Variants in ASB15 observed in about 807,000 individuals in gnomAD.
ASB15 encodes the protein ankyrin repeat and SOCS box containing 15, also known as ankyrin repeat and SOCS box protein 15.
Under a neutral mutation model 58.0 loss-of-function variants are expected in ASB15, and 54 were observed. The ratio of observed to expected loss-of-function variants is 0.93; its 90% CI spans 0.75 to 1.17. ASB15 has a LOEUF of 1.17. ASB15 is among the 50% of genes most tolerant of loss of function. The probability of loss-of-function intolerance (pLI) is 0.00; values close to 1 mark genes in which losing one functional copy is unlikely to be tolerated. For missense variants in ASB15, 680 were observed against 707.4 expected, an observed-to-expected ratio of 0.96 and a Z score of 0.44; for synonymous variants, 249 against 262.4, an observed-to-expected ratio of 0.95 and a Z score of 0.50.
intron 1 of ASB15, among the ~76,000 whole-genome samples, chr7:123,583,665 C>T (rs1415398135): frequency 6.6e-6 from 1 of 151,804 alleles, no homozygotes; most frequent in African/African-American, 2.4e-5. Context: ...GGAGAGAAGG[C>T]ACAGGAAAGA....
At chr7:123,615,092 TGA>T (rs1294998102) in intron 4 of ASB15, among the ~76,000 whole-genome samples, 1 of 152,176 alleles carries the variant, frequency 6.6e-6, no homozygotes, top group Non-Finnish European at 1.5e-5. Flanking sequence ...AGTTAATGAA[TGA>T]GAGAAGCGTT....
chr7:123,593,351 A>G (rs183650168), intron 1 of ASB15, among the ~76,000 whole-genome samples: 82 of 152,188 alleles, frequency 5.4e-4, no homozygotes, highest in Non-Finnish European at 7.9e-4. Context: ...TAATTGATGC[A>G]GTTTCTTCAC....
chr7:123,621,613 G>C (rs892052820), intron 7 of ASB15: 2 of 152,060 alleles, frequency 1.3e-5, no homozygotes, highest in Non-Finnish European at 2.9e-5. Flanking sequence ...TACCCTAATG[G>C]CATCATCCTT....
At chr7:123,624,986 A>G (rs1049963611) in intron 8 of ASB15, 172 bp downstream of exon 8, 2 of 727,738 alleles carry the variant, frequency 2.7e-6, no homozygotes, top group Non-Finnish European at 4.4e-6. Flanking sequence ...CCCTTATTCT[A>G]CAACTCAGCT....
chr7:123,604,769 G>T (rs1387234493), intron 2 of ASB15, among the ~76,000 whole-genome samples: 1 of 151,928 alleles, frequency 6.6e-6, no homozygotes, highest in Non-Finnish European at 1.5e-5. Context: ...GGAGGGAGAA[G>T]AAAATAAAAT....
At chr7:123,579,888 G>A (rs1320113879) in intron 1 of ASB15, among the ~76,000 whole-genome samples, 1 of 151,988 alleles carries the variant, frequency 6.6e-6, no homozygotes, top group Non-Finnish European at 1.5e-5. Context: ...CCATTGTTTA[G>A]GTCTCTAGGT....
chr7:123,592,226 T>G (rs866761393), intron 1 of ASB15, among the ~76,000 whole-genome samples: 3 of 152,328 alleles, frequency 2.0e-5, no homozygotes, highest in Middle Eastern at 6.8e-3. Flanking sequence ...CTATCTATTT[T>G]GTTGATCTTT....
intron 1 of ASB15, among the ~76,000 whole-genome samples, chr7:123,575,434 C>A (rs1562907572): frequency 6.6e-6 from 1 of 151,986 alleles, no homozygotes; most frequent in Non-Finnish European, 1.5e-5. Flanking sequence ...CCACATGAGG[C>A]AATCATACAC....
At chr7:123,635,526 C>A (rs2116691144) in intron 11 of ASB15, among the ~76,000 whole-genome samples, 1 of 149,084 alleles carries the variant, frequency 6.7e-6, no homozygotes, top group Middle Eastern at 3.6e-3. Context: ...CTCTACAATA[C>A]CATTATACTT....
At chr7:123,572,287 A>C (rs1798932016) in intron 1 of ASB15, among the ~76,000 whole-genome samples, 1 of 151,280 alleles carries the variant, frequency 6.6e-6, no homozygotes, top group Admixed American at 6.6e-5. Flanking sequence ...GACTGTAGGC[A>C]CGCGCCACCA....
intron 2 of ASB15, among the ~76,000 whole-genome samples, chr7:123,605,000 C>T (rs549816449): frequency 6.6e-6 from 1 of 151,888 alleles, no homozygotes; most frequent in African/African-American, 2.4e-5. Flanking sequence ...CTGCCTCCAA[C>T]AGAAAGAAAT....
In ASB15 at chr7:123,603,492, T is replaced by TGGTGTCTTTAAGAGGGTTTGTA. The variant is rs370737506; in HGVS notation, c.-244-538_-244-517dup. On this transcript the variant is annotated intron_variant, in intron 1 of 11. Coordinates refer to ENST00000451215, the MANE Select transcript of ASB15 (RefSeq NM_001290258.2). ...AAAAGGAGACATTAATACTAGGTGG[T>TGGTGTCTTTAAGAGGGTTTGTA]GGTGTCTTTAAGAGGGTTTGTAGCT... Among the ~76,000 whole-genome samples the TGGTGTCTTTAAGAGGGTTTGTA allele has an allele frequency of 8.9e-3, 1,354 of 152,256 alleles. 17 individuals are homozygous for TGGTGTCTTTAAGAGGGTTTGTA. Among genetic ancestry groups the TGGTGTCTTTAAGAGGGTTTGTA allele is most frequent in the African/African-American group, 0.03 (1,264 of 41,532 alleles).
intron 7 of ASB15, among the ~76,000 whole-genome samples, chr7:123,618,071 T>C (rs142993791): frequency 6.6e-6 from 1 of 152,322 alleles, no homozygotes; most frequent in Non-Finnish European, 1.5e-5. Context: ...GTGCCATATG[T>C]AGCCAGAAGC....
At position 123,628,964 on chromosome 7, in the gene ASB15, C is replaced by T. The variant is rs1304792893; in HGVS notation, c.970C>T (p.Leu324=). Reference sequence around the variant, plus strand: ...AGCAGATGGACAAAATGCACAGTGTCTAGAACTGCTCATTGAAAATGGTTT... The same window carrying T: ...AGCAGATGGACAAAATGCACAGTGTTTAGAACTGCTCATTGAAAATGGTTT... ...SAADGQNAQC[L]ELLIENGFDV... Residue 324 remains leucine (L), a synonymous_variant, in exon 10 of 12, where the codon CTA becomes TTA. Coordinates refer to ENST00000451215, the MANE Select transcript of ASB15 (RefSeq NM_001290258.2). The T allele has an allele frequency of 1.9e-6, 3 of 1,612,588 alleles. No homozygotes were observed. The South Asian group carries it at 3.3e-5, about 18-fold the overall frequency.
At chr7:123,574,935 T>A (rs1186417044) in intron 1 of ASB15, among the ~76,000 whole-genome samples, 1 of 143,178 alleles carries the variant, frequency 7.0e-6, no homozygotes, top group East Asian at 2.1e-4. Flanking sequence ...TGGGCTGTAT[T>A]TAAGACACAT....
At chr7:123,599,237 AAAC>A (rs917036661), upstream of ASB15, among the ~76,000 whole-genome samples, 14 of 151,796 alleles carry the variant, frequency 9.2e-5, no homozygotes, top group African/African-American at 3.2e-4. Context: ...GATAACTTAA[AAAC>A]AACAACAAAA....
chr7:123,604,273 G>C (rs1800027307), intron 2 of ASB15, 61 bp downstream of exon 2: 2 of 152,092 alleles, frequency 1.3e-5, no homozygotes, highest in East Asian at 3.9e-4. Flanking sequence ...CAAGTTCACT[G>C]GTTTTCCTAA....
chr7:123,592,274 T>C (rs1173157829), intron 1 of ASB15, among the ~76,000 whole-genome samples: 1 of 151,118 alleles, frequency 6.6e-6, no homozygotes, highest in East Asian at 1.9e-4. Context: ...ATTTTTTGTG[T>C]CTCTGTCTCA....
intron 1 of ASB15, among the ~76,000 whole-genome samples, chr7:123,585,810 A>G (rs536302866): frequency 6.6e-6 from 1 of 151,950 alleles, no homozygotes; most frequent in East Asian, 1.9e-4. Context: ...GATTCCACAT[A>G]TAAGAGATAT....
Sources: gnomAD v4.1 joint callset for allele counts (sites outside exome capture counted in the v4.1 genomes callset) on GRCh38, gnomAD v4.1.1 for gene constraint, MANE v1.5 for transcripts, NCBI Gene and HGNC (gene_info 2026-07-23, HGNC 2026-07-21) for gene names.